Variants in MAP7D3 observed in about 807,000 individuals in gnomAD.
MAP7D3 encodes MAP7 domain-containing protein 3.
MAP7D3 carries 45 observed loss-of-function variants against 62.2 expected under a neutral mutation model. The observed-to-expected ratio is 0.72, with a 90% confidence interval of 0.57 to 0.93. The LOEUF (loss-of-function observed/expected upper bound fraction) is 0.93, where lower values mean the gene tolerates loss of function less well. MAP7D3 is among the 40% of genes least tolerant of loss of function. The pLI, the probability that MAP7D3 is intolerant of heterozygous loss-of-function variation, is 0.00. For missense variants in MAP7D3, 711 were observed against 683.1 expected (o/e 1.04, Z -0.45); for synonymous variants, 288 against 248.8 (o/e 1.16, Z -1.48).
chrX:136,233,950 T>G (rs1465479226), intron 7 of MAP7D3, among the ~76,000 whole-genome samples: 1 of 111,300 alleles, frequency 9.0e-6, no homozygotes, highest in African/African-American at 3.3e-5. Context: ...ATTTTTTGGA[T>G]GGTGGTAATA....
Position 136,231,693 on chromosome X carries a change from C to T in MAP7D3, c.1264G>A (p.Ala422Thr), listed in dbSNP as rs2074269886. The T allele has an allele frequency of 1.7e-6, 2 of 1,209,175 alleles. No homozygotes were observed. The highest frequency in any genetic ancestry group is 2.2e-6 in the Non-Finnish European group (2 of 893,994). The change falls in exon 8 of 19, where the codon GCA becomes ACA. Residue 422 changes from alanine (A) to threonine (T), a missense_variant. Physicochemically the swap from Ala to Thr is moderately conservative, Grantham distance 58. Transcript: ENST00000316077. Reference protein sequence around the residue: ...GSLEAPPKGSAEVAPKESVKG... With the variant: ...GSLEAPPKGSTEVAPKESVKG... ...ACACTCTCCTTGGGGGCTACTTCTG[C>T]GCTCCCCTTGGGAGGTGCTTCCAGG...
chrX:136,249,400 G>A (rs1326385379), intron 1 of MAP7D3, among the ~76,000 whole-genome samples: 1 of 112,460 alleles, frequency 8.9e-6, no homozygotes, highest in Non-Finnish European at 1.9e-5. Context: ...TGCTCATCTG[G>A]TTGAAATATT....
intron 15 of MAP7D3, among the ~76,000 whole-genome samples, chrX:136,221,389 G>A (rs1281028497): frequency 9.0e-6 from 1 of 111,431 alleles, no homozygotes; most frequent in Non-Finnish European, 1.9e-5. Flanking sequence ...GCAGTGGCAC[G>A]ATCTCCACTC....
chrX:136,246,039 T>C (rs1438282898), intron 3 of MAP7D3, 26 bp downstream of exon 3: 2 of 1,102,759 alleles, frequency 1.8e-6, no homozygotes, highest in African/African-American at 1.8e-5. Flanking sequence ...TTCATTTTGA[T>C]TTTTGAAAAA....
chrX:136,235,767 G>A (rs2074323430), intron 7 of MAP7D3, among the ~76,000 whole-genome samples: 1 of 111,136 alleles, frequency 9.0e-6, no homozygotes, highest in Non-Finnish European at 1.9e-5. Context: ...AAGAAAGAAA[G>A]AAAGAAAAGA....
At chrX:136,238,242 G>A (rs967927850) in intron 6 of MAP7D3, among the ~76,000 whole-genome samples, 6 of 111,797 alleles carry the variant, frequency 5.4e-5, no homozygotes, top group Admixed American at 4.8e-4. Context: ...TATATACCCA[G>A]TAATGGGATG....
rs748762826 is a variant in MAP7D3 at position 136,242,514 on chromosome X, C to A, written c.418-1237G>T. ...TCTTTTGCTATATGTAGCCTACTTACAGTGTCCCATGTCCCCTGTTCTGTC... is the reference window on the plus strand; with the variant it reads ...TCTTTTGCTATATGTAGCCTACTTAAAGTGTCCCATGTCCCCTGTTCTGTC... On this transcript the variant is annotated intron_variant, in intron 4 of 18. Coordinates refer to ENST00000316077, the MANE Select transcript of MAP7D3 (RefSeq NM_024597.4). Among the ~76,000 whole-genome samples the A allele has an allele frequency of 4.5e-5, 5 of 110,501 alleles. No individual in the cohort carries two copies. In the South Asian group the frequency reaches 2.0e-3, roughly 44 times the overall value.
Position 136,232,318 on chromosome X carries a change from ATTGT to A in MAP7D3, c.737-102_737-99del, listed in dbSNP as rs747443616. On this transcript the variant is annotated intron_variant, in intron 7 of 18. Transcript: ENST00000316077. ...ATAAGAACAGGAACACAGAAAAGAG[ATTGT>A]TTATTAGGAAAGCACAGGGATTACA... The A allele has an allele frequency of 1.8e-4, 104 of 579,241 alleles. No homozygotes were observed. The African/African-American group carries it at 2.2e-3, about 12-fold the overall frequency. The allele number at this position is 579,241 out of a possible 1,213,427, so 47.7% of individuals were successfully genotyped here.
intron 1 of MAP7D3, among the ~76,000 whole-genome samples, chrX:136,250,836 C>G (rs1215904125): frequency 9.0e-6 from 1 of 111,593 alleles, no homozygotes; most frequent in South Asian, 3.7e-4. Flanking sequence ...GGCGCCGGCG[C>G]GCGGAGTCCC....
chrX:136,226,656 A>G (rs183367750), intron 12 of MAP7D3, among the ~76,000 whole-genome samples: 2 of 111,877 alleles, frequency 1.8e-5, no homozygotes, highest in African/African-American at 6.5e-5. Context: ...AGAATGCAAG[A>G]TGGGGGAAAC....
At chrX:136,227,708 C>T (rs188108495) in intron 11 of MAP7D3, among the ~76,000 whole-genome samples, 2 of 110,691 alleles carry the variant, frequency 1.8e-5, no homozygotes, top group Admixed American at 1.9e-4. Flanking sequence ...GAACTCATTC[C>T]TTAACTGTCT....
rs1368862779 is a variant in MAP7D3 at position 136,217,992 on chromosome X, T to G, written c.*534A>C. ...ATTGCTTGAGATGAGGAGGCGGAGG[T>G]TGCAGTGAGCCGAGATTGTGCCACT... is the stretch of plus-strand genomic sequence containing the variant. On this transcript the variant is annotated 3_prime_UTR_variant, in exon 19 of 19. Coordinates refer to ENST00000316077, the MANE Select transcript of MAP7D3 (RefSeq NM_024597.4). The G allele has an allele frequency of 1.9e-5, 2 of 108,071 alleles. No individual in the cohort carries two copies. The highest frequency in any genetic ancestry group is 3.8e-5 in the Non-Finnish European group (2 of 52,017). The allele number at this position is 108,071 out of a possible 1,213,427, so 8.9% of individuals were successfully genotyped here. A position where few individuals can be genotyped will look rare whatever the true frequency, so the allele number is the denominator to read the frequency against.
intron 14 of MAP7D3, among the ~76,000 whole-genome samples, chrX:136,222,839 T>G (rs1298019202): frequency 5.5e-5 from 6 of 109,040 alleles, no homozygotes; most frequent in East Asian, 2.9e-4. Flanking sequence ...ACTGTTTTTT[T>G]TTTTTTTTTT....
At chrX:136,223,528 A>C (rs1330631769) in intron 14 of MAP7D3, among the ~76,000 whole-genome samples, 1 of 110,876 alleles carries the variant, frequency 9.0e-6, no homozygotes, top group Non-Finnish European at 1.9e-5. Flanking sequence ...GCATGGAAGA[A>C]GATACCTGCA....
At chrX:136,233,635 T>TAAAAAAAAAAAAA (rs151267120) in intron 7 of MAP7D3, among the ~76,000 whole-genome samples, 3 of 30,588 alleles carry the variant, frequency 9.8e-5, no homozygotes, top group African/African-American at 1.4e-4. Context: ...TAAATTAAAC[T>TAAAAAAAAAAAAA]AAAAAAAAAA....
chrX:136,215,845 AGC>A (rs2148392702), downstream of MAP7D3, among the ~76,000 whole-genome samples: 1 of 111,883 alleles, frequency 8.9e-6, no homozygotes, highest in African/African-American at 3.2e-5. Flanking sequence ...GACTTTTCAA[AGC>A]AAGAGGGTTT....
intron 4 of MAP7D3, among the ~76,000 whole-genome samples, chrX:136,243,326 A>G (rs749889014): frequency 3.7e-4 from 42 of 112,400 alleles, no homozygotes; most frequent in Non-Finnish European, 6.8e-4. Flanking sequence ...AAGACAGAAT[A>G]AAGAAAATCA....
intron 7 of MAP7D3, among the ~76,000 whole-genome samples, chrX:136,234,775 C>T (rs1439847967): frequency 8.9e-6 from 1 of 111,964 alleles, no homozygotes; most frequent in Non-Finnish European, 1.9e-5. Context: ...ACTTCTGCTT[C>T]TGGCTAATGA....
intron 10 of MAP7D3, among the ~76,000 whole-genome samples, chrX:136,229,503 G>C (rs778650118): frequency 9.9e-5 from 11 of 111,002 alleles, no homozygotes; most frequent in Admixed American, 8.7e-4. Flanking sequence ...AAGAATGCAC[G>C]TAACAGGCAA....
Sources: allele counts gnomAD v4.1 joint callset (sites outside exome capture counted in the v4.1 genomes callset), GRCh38; gene constraint gnomAD v4.1.1; transcripts MANE v1.5; gene names NCBI Gene and HGNC (gene_info 2026-07-23, HGNC 2026-07-21).